The following PBX3 variants were observed in gnomAD, a reference collection of about 807,000 sequenced individuals.
PBX3 encodes pre-B-cell leukemia transcription factor 3.
In PBX3, 14 loss-of-function variants were observed where a neutral mutation model predicts 48.5. That is an observed-to-expected ratio of 0.29 (90% confidence interval 0.19 to 0.45). PBX3 has a LOEUF of 0.45. PBX3 is among the 20% of genes least tolerant of loss of function. The pLI is 1.00. For missense variants in PBX3, 386 were observed against 546.7 expected (o/e 0.71, Z 2.93); for synonymous variants, 210 against 200.3 (o/e 1.05, Z -0.41).
At chr9:125,840,653 A>G (rs528402205) in intron 2 of PBX3, among the ~76,000 whole-genome samples, 1 of 152,082 alleles carries the variant, frequency 6.6e-6, no homozygotes, top group Non-Finnish European at 1.5e-5. Context: ...ATATCTTTCT[A>G]TATCAAGAAA....
At chr9:125,827,561 T>G (rs1354770602) in intron 2 of PBX3, among the ~76,000 whole-genome samples, 2 of 152,164 alleles carry the variant, frequency 1.3e-5, no homozygotes, top group Non-Finnish European at 2.9e-5. Flanking sequence ...ACATATGTAA[T>G]ACCTATGTGT....
At chr9:125,918,398 G>T (rs1841381246) in intron 3 of PBX3, among the ~76,000 whole-genome samples, 1 of 151,634 alleles carries the variant, frequency 6.6e-6, no homozygotes, top group South Asian at 2.1e-4. Context: ...TTTTGTTTTT[G>T]GCTTTTAAAA....
intron 2 of PBX3, among the ~76,000 whole-genome samples, chr9:125,781,001 T>TG (rs1837288481): frequency 1.8e-5 from 1 of 55,320 alleles, no homozygotes; most frequent in African/African-American, 9.2e-5. Flanking sequence ...CTAGATGGGA[T>TG]GGCGGCCGGG....
chr9:125,754,197 G>T (rs972596074), intron 2 of PBX3, among the ~76,000 whole-genome samples: 1 of 151,970 alleles, frequency 6.6e-6, no homozygotes, highest in Non-Finnish European at 1.5e-5. Flanking sequence ...GTTCAATATT[G>T]ACATTATGAG....
At chr9:125,893,863 C>T (rs1010472973) in intron 2 of PBX3, among the ~76,000 whole-genome samples, 3 of 151,740 alleles carry the variant, frequency 2.0e-5, no homozygotes, top group Non-Finnish European at 4.4e-5. Context: ...TATCATAGAA[C>T]AATAATAAAG....
At chr9:125,865,660 T>A (rs973383162) in intron 2 of PBX3, among the ~76,000 whole-genome samples, 4 of 152,296 alleles carry the variant, frequency 2.6e-5, no homozygotes, top group African/African-American at 7.2e-5. Context: ...GCATAACATT[T>A]CCCTTTTCAA....
chr9:125,758,574 A>G (rs1344185157), intron 2 of PBX3, among the ~76,000 whole-genome samples: 2 of 152,208 alleles, frequency 1.3e-5, no homozygotes, highest in Non-Finnish European at 2.9e-5. Context: ...AAAAAAAGAT[A>G]AGATGTTCCC....
At chr9:125,935,730 A>C (rs1841821871) in intron 5 of PBX3, 123 bp downstream of exon 5, 1 of 990,566 alleles carries the variant, frequency 1.0e-6, no homozygotes, top group Non-Finnish European at 1.4e-6. Context: ...TATAAGGAAA[A>C]TGTAGATATT....
chr9:125,794,505 T>C (rs959702043), intron 2 of PBX3, among the ~76,000 whole-genome samples: 2 of 152,150 alleles, frequency 1.3e-5, no homozygotes, highest in African/African-American at 4.8e-5. Flanking sequence ...GTTTCTATTA[T>C]TGAATGATGC....
chr9:125,935,357 C>A, intron 4 of PBX3, 115 bp from the exon 5 acceptor site: 1 of 832,624 alleles, frequency 1.2e-6, no homozygotes, highest in Non-Finnish European at 1.9e-6. Flanking sequence ...ATAAATTAGA[C>A]CTTAAGGATG....
In PBX3 at chr9:125,913,253, A is replaced by G. The variant is rs926183867; in HGVS notation, c.275-2433A>G. Among the ~76,000 whole-genome samples, 3 of 152,142 alleles carry G rather than the reference A, an allele frequency of 2.0e-5. No individual in the cohort carries two copies. The South Asian group carries it at 6.2e-4, about 31-fold the overall frequency. ...TGATGAAATTTGATGCACATAATTT[A>G]TAAAGTAAATACAAAGGATTGCATT... On this transcript the variant is annotated intron_variant, in intron 2 of 8. Transcript: ENST00000373489.
intron 2 of PBX3, among the ~76,000 whole-genome samples, chr9:125,752,187 T>A (rs10986876): frequency 0.02 from 3,034 of 152,206 alleles, 169 homozygotes; most frequent in East Asian, 0.17. Flanking sequence ...TTACTAGTAA[T>A]GTCTAATGGC....
At chr9:125,905,525 G>A (rs943947786) in intron 2 of PBX3, among the ~76,000 whole-genome samples, 2 of 151,874 alleles carry the variant, frequency 1.3e-5, no homozygotes, top group African/African-American at 4.8e-5. Flanking sequence ...AGATGTTTGT[G>A]AAAAATGTCT....
intron 2 of PBX3, among the ~76,000 whole-genome samples, chr9:125,911,108 A>C (rs1466754869): frequency 6.6e-6 from 1 of 152,050 alleles, no homozygotes; most frequent in Non-Finnish European, 1.5e-5. Flanking sequence ...AGGGTTTTTC[A>C]GTGTCTTTCA....
chr9:125,818,127 A>G (rs1015294516), intron 2 of PBX3, among the ~76,000 whole-genome samples: 3 of 151,236 alleles, frequency 2.0e-5, no homozygotes, highest in East Asian at 3.9e-4. Flanking sequence ...AGAACCCGGG[A>G]GGCGGAGGTT....
chr9:125,952,259 G>GT (rs1166572086), intron 5 of PBX3, among the ~76,000 whole-genome samples: 1 of 152,228 alleles, frequency 6.6e-6, no homozygotes, highest in Non-Finnish European at 1.5e-5. Flanking sequence ...CAATAATGAT[G>GT]TTTTAGTGTC....
chr9:125,803,074 A>G (rs1249361349), intron 2 of PBX3, among the ~76,000 whole-genome samples: 1 of 134,436 alleles, frequency 7.4e-6, no homozygotes, highest in Non-Finnish European at 1.6e-5. Flanking sequence ...TATTTCAGTG[A>G]TTTTTCCCAC....
chr9:125,910,667 A>G (rs956824727), intron 2 of PBX3, among the ~76,000 whole-genome samples: 6 of 151,550 alleles, frequency 4.0e-5, no homozygotes, highest in Non-Finnish European at 8.8e-5. Context: ...TATGACTGCC[A>G]TATTCAGTGG....
At chr9:125,777,849 T>C (rs1389335202) in intron 2 of PBX3, among the ~76,000 whole-genome samples, 1 of 152,196 alleles carries the variant, frequency 6.6e-6, no homozygotes, top group African/African-American at 2.4e-5. Flanking sequence ...TTCCAAGTTA[T>C]CTAATTTGTT....
Sources: gnomAD v4.1 joint callset for allele counts (sites outside exome capture counted in the v4.1 genomes callset) on GRCh38, gnomAD v4.1.1 for gene constraint, MANE v1.5 for transcripts, NCBI Gene and HGNC (gene_info 2026-07-23, HGNC 2026-07-21) for gene names.